CDK14: variants seen among roughly 807,000 people sequenced by gnomAD.
CDK14 encodes cyclin-dependent kinase 14.
A neutral mutation model predicts 60.7 loss-of-function variants in CDK14; 34 were observed. The observed-to-expected ratio is 0.56, with a 90% CI of 0.43 to 0.75. CDK14 has a LOEUF of 0.75. CDK14 is among the 30% of genes least tolerant of loss of function. CDK14 has a pLI of 0.00. For missense variants in CDK14, 482 were observed against 564.1 expected, an observed-to-expected ratio of 0.85 and a Z score of 1.47; for synonymous variants, 197 against 203.7, an observed-to-expected ratio of 0.97 and a Z score of 0.28.
At chr7:90,771,986 C>G (rs1204398562) in intron 4 of CDK14, among the ~76,000 whole-genome samples, 1 of 152,182 alleles carries the variant, frequency 6.6e-6, no homozygotes, top group African/African-American at 2.4e-5. Context: ...TGGAACATTC[C>G]AATCAGGCTA....
chr7:90,690,782 A>G (rs1193631506), intron 2 of CDK14, among the ~76,000 whole-genome samples: 1 of 152,184 alleles, frequency 6.6e-6, no homozygotes, highest in South Asian at 2.1e-4. Context: ...ATATATAGCA[A>G]ATGTAGAGAA....
intron 4 of CDK14, among the ~76,000 whole-genome samples, chr7:90,752,423 A>G (rs1803883010): frequency 6.6e-6 from 1 of 152,180 alleles, no homozygotes; most frequent in Non-Finnish European, 1.5e-5. Flanking sequence ...ATAACTTTTG[A>G]TTAAACAATT....
intron 12 of CDK14, chr7:91,107,642 G>A (rs1258157843): frequency 6.6e-6 from 1 of 152,172 alleles, no homozygotes; most frequent in Non-Finnish European, 1.5e-5. Flanking sequence ...GCATTAAAGT[G>A]GAATGAAATA....
At chr7:91,133,260 A>G (rs1800171534) in intron 14 of CDK14, among the ~76,000 whole-genome samples, 1 of 152,144 alleles carries the variant, frequency 6.6e-6, no homozygotes. Context: ...TGTAAGGGTT[A>G]ACTGTAGTTT....
chr7:91,129,636 A>C (rs1056360327), intron 14 of CDK14, among the ~76,000 whole-genome samples: 6 of 152,082 alleles, frequency 3.9e-5, no homozygotes, highest in Non-Finnish European at 8.8e-5. Context: ...TATTTGGCAG[A>C]CATCTTCTCA....
chr7:90,731,545 A>T (rs548627614), intron 3 of CDK14, among the ~76,000 whole-genome samples: 42 of 152,226 alleles, frequency 2.8e-4, no homozygotes, highest in African/African-American at 9.6e-4. Context: ...CTTCTTGAAG[A>T]GGTCCTTCAT....
At chr7:91,147,560 G>C (rs898043343) in intron 14 of CDK14, among the ~76,000 whole-genome samples, 1 of 152,160 alleles carries the variant, frequency 6.6e-6, no homozygotes, top group Non-Finnish European at 1.5e-5. Context: ...TACTGTCTCA[G>C]ATAACTCAGA....
At chr7:90,637,938 C>A (rs1800196890) in intron 2 of CDK14, among the ~76,000 whole-genome samples, 1 of 147,828 alleles carries the variant, frequency 6.8e-6, no homozygotes, top group African/African-American at 2.5e-5. Context: ...TCTGTTTTAT[C>A]AGAGACTAGG....
At chr7:91,158,817 A>T (rs1430230150) in intron 14 of CDK14, among the ~76,000 whole-genome samples, 2 of 152,204 alleles carry the variant, frequency 1.3e-5, no homozygotes, top group Non-Finnish European at 2.9e-5. Flanking sequence ...CACAGGTGAC[A>T]TGTAATGCCC....
chr7:91,202,443 G>A (rs1304093347), intron 14 of CDK14, among the ~76,000 whole-genome samples: 2 of 152,132 alleles, frequency 1.3e-5, no homozygotes, highest in Admixed American at 1.3e-4. Flanking sequence ...CATGTACACT[G>A]TTCATTTGTG....
rs527869641 is a variant in CDK14, at chr7:91,057,523, G to A, written c.1105+11563G>A. Among the ~76,000 whole-genome samples the A allele has an allele frequency of 7.2e-5, 11 of 152,222 alleles. No homozygotes were observed. In the South Asian group the frequency reaches 1.9e-3, roughly 26 times the overall value. ...GGTATTGCCTAGGTTTTCTTCTGGG[G>A]TTTTTATGGTTTTAGGTCTAATGGT... On this transcript the variant is annotated intron_variant, in intron 11 of 14. Coordinates refer to ENST00000380050, the MANE Select transcript of CDK14 (RefSeq NM_001287135.2).
intron 5 of CDK14, among the ~76,000 whole-genome samples, chr7:90,841,046 A>G (rs928364210): frequency 6.6e-6 from 1 of 152,202 alleles, no homozygotes; most frequent in Non-Finnish European, 1.5e-5. Context: ...CTGGTTTTCT[A>G]TAGCTAGAAT....
chr7:90,925,339 CATA>C (rs1272685382), intron 8 of CDK14, among the ~76,000 whole-genome samples: 2 of 152,058 alleles, frequency 1.3e-5, no homozygotes, highest in Non-Finnish European at 2.9e-5. Flanking sequence ...TAGATCCAGC[CATA>C]GAGTTGGGAG....
At chr7:91,057,804 T>C (rs1345914098) in intron 11 of CDK14, among the ~76,000 whole-genome samples, 2 of 152,372 alleles carry the variant, frequency 1.3e-5, no homozygotes, top group South Asian at 4.1e-4. Context: ...TTTTGGTTAC[T>C]GTAGCCTTGT....
At chr7:91,170,526 G>A (rs910794977) in intron 14 of CDK14, among the ~76,000 whole-genome samples, 1 of 152,000 alleles carries the variant, frequency 6.6e-6, no homozygotes, top group Non-Finnish European at 1.5e-5. Flanking sequence ...CATGATATTT[G>A]ACACCTTGGT....
At chr7:91,149,907 C>A (rs1247764280) in intron 14 of CDK14, among the ~76,000 whole-genome samples, 3 of 152,048 alleles carry the variant, frequency 2.0e-5, no homozygotes, top group Non-Finnish European at 4.4e-5. Flanking sequence ...TAGGGGATTG[C>A]GATGTAGTGA....
intron 6 of CDK14, among the ~76,000 whole-genome samples, chr7:90,886,069 A>G (rs1372958102): frequency 6.6e-6 from 1 of 152,222 alleles, no homozygotes; most frequent in Non-Finnish European, 1.5e-5. Context: ...TAAATTTAAA[A>G]TTCTTAAAAC....
At chr7:91,200,808 G>C (rs1802692162) in intron 14 of CDK14, among the ~76,000 whole-genome samples, 1 of 152,190 alleles carries the variant, frequency 6.6e-6, no homozygotes, top group South Asian at 2.1e-4. Flanking sequence ...TTAAGAATAG[G>C]CTAAATGTGA....
At chr7:90,633,909 G>A (rs12704555) in intron 2 of CDK14, among the ~76,000 whole-genome samples, 46,967 of 151,834 alleles carry the variant, frequency 0.31, 8,169 homozygotes, top group East Asian at 0.67. Flanking sequence ...GACTTTAGTC[G>A]GCAGATTATG....
Sources: gnomAD v4.1 joint callset for allele counts (sites outside exome capture counted in the v4.1 genomes callset) on GRCh38, gnomAD v4.1.1 for gene constraint, MANE v1.5 for transcripts, NCBI Gene and HGNC (gene_info 2026-07-23, HGNC 2026-07-21) for gene names.